The following CTBP2 variants were observed in gnomAD, a reference collection of about 807,000 sequenced individuals.
The protein encoded by CTBP2 is C-terminal-binding protein 2.
A neutral mutation model predicts 80.3 loss-of-function variants in CTBP2; 30 were observed. The ratio of observed to expected loss-of-function variants is 0.37; its 90% confidence interval spans 0.28 to 0.51. The LOEUF is 0.51. Ranked by LOEUF, CTBP2 falls within the 20% of genes least tolerant of loss-of-function variation. The pLI is 0.93. For missense variants in CTBP2, 1,212 were observed against 1,375.3 expected, an observed-to-expected ratio of 0.88 and a Z score of 1.88; for synonymous variants, 594 against 587.4, an observed-to-expected ratio of 1.01 and a Z score of -0.16.
At chr10:124,992,945 G>C in intron 7 of CTBP2, 133 bp from the exon 10 acceptor site, 2 of 862,176 alleles carry the variant, frequency 2.3e-6, no homozygotes. Flanking sequence ...CCAAGTGCTT[G>C]AGCTCTTCAA....
chr10:125,122,659 G>T (rs1466557842), intron 1 of CTBP2: 1 of 152,226 alleles, frequency 6.6e-6, no homozygotes, highest in Non-Finnish European at 1.5e-5. Flanking sequence ...AAACTCACAA[G>T]GTGAAGGGGG....
Position 124,986,418 on chromosome 10 carries a change from C to G in CTBP2, c.*3100G>C, listed in dbSNP as rs1304251213. On this transcript the variant is annotated 3_prime_UTR_variant, in exon 9 of 9. Coordinates refer to ENST00000309035, the MANE Select transcript of CTBP2 (RefSeq NM_022802.3). Reference sequence around the variant, plus strand: ...TAGTTGATAATGAAATGTGTACAACCTCAAATTTGCTGCCAGAATACTAAA... The same window carrying G: ...TAGTTGATAATGAAATGTGTACAACGTCAAATTTGCTGCCAGAATACTAAA... 1 of 152,326 alleles carries G rather than the reference C, an allele frequency of 6.6e-6. No homozygotes were observed. Among genetic ancestry groups the G allele is most frequent in the Non-Finnish European group, 1.5e-5 (1 of 68,006 alleles). The allele number at this position is 152,326 out of a possible 1,614,324, so 9.4% of individuals were successfully genotyped here. A position where few individuals can be genotyped will look rare whatever the true frequency, so the allele number is the denominator to read the frequency against.
intron 2 of CTBP2, among the ~76,000 whole-genome samples, chr10:125,071,800 C>A (rs1393280250): frequency 6.6e-6 from 1 of 152,142 alleles, no homozygotes; most frequent in Non-Finnish European, 1.5e-5. Context: ...CGTACCACCA[C>A]CCCCAAACAT....
intron 1 of CTBP2, 80 bp from the exon 4 acceptor site, chr10:125,003,572 C>T (rs1954831085): frequency 8.3e-7 from 1 of 1,200,410 alleles, no homozygotes; most frequent in Admixed American, 2.7e-5. Flanking sequence ...CCCCACTCAT[C>T]ACTCAGGGCA....
chr10:125,037,548 GC>G (rs1325111047), intron 3 of CTBP2, among the ~76,000 whole-genome samples: 2 of 152,204 alleles, frequency 1.3e-5, no homozygotes, highest in Non-Finnish European at 2.9e-5. Flanking sequence ...TGGGGCCTGG[GC>G]TCTTCAGTAA....
Position 125,027,380 on chromosome 10 carries a change from T to TA in CTBP2, c.379dup (p.Tyr127LeufsTer45), listed in dbSNP as rs769961626. The TA allele has an allele frequency of 4.3e-6, 7 of 1,613,592 alleles. No homozygotes were observed. The South Asian group carries it at 5.5e-5, about 13-fold the overall frequency. On this transcript the variant is annotated frameshift_variant, in exon 1 of 9. Coordinates refer to ENST00000309035, the MANE Select transcript of CTBP2 (RefSeq NM_022802.3). LOFTEE classifies it high-confidence loss of function. The stretch of plus-strand genomic sequence containing the variant: ...CGGCCGGCTGACTCCTGGGTCCCGA[T>TA]AGAGGGGAGGCTCTTTGGGTACCCT...
chr10:125,027,362 C>G lies in CTBP2; in HGVS notation c.398G>C (p.Ser133Thr). Reference sequence around the variant, plus strand: ...CACTCCGTAGCTGGGGACCGGCCGGCTGACTCCTGGGTCCCGATAGAGGGG... The same window carrying G: ...CACTCCGTAGCTGGGGACCGGCCGGGTGACTCCTGGGTCCCGATAGAGGGG... The change falls in exon 1 of 9, where the codon AGC (serine) becomes ACC (threonine). Residue 133 changes from serine to threonine, a missense_variant. This residue lies in a region of CTBP2 where 848 missense variants were observed against 782.3 expected (regional missense o/e 1.08). Coordinates refer to ENST00000309035, the MANE Select transcript of CTBP2 (RefSeq NM_022802.3). 1 of 1,613,526 alleles carries G rather than the reference C, an allele frequency of 6.2e-7. No homozygotes were observed. The highest frequency in any genetic ancestry group is 8.5e-7 in the Non-Finnish European group (1 of 1,179,986).
intron 1 of CTBP2, among the ~76,000 whole-genome samples, chr10:125,011,536 G>GT (rs1281096054): frequency 2.0e-5 from 3 of 152,308 alleles, no homozygotes; most frequent in South Asian, 2.1e-4. Flanking sequence ...AGCATGTGTG[G>GT]TATCTTCCAG....
intron 1 of CTBP2, among the ~76,000 whole-genome samples, chr10:125,146,874 A>T (rs1276756474): frequency 6.6e-6 from 1 of 152,142 alleles, no homozygotes; most frequent in East Asian, 1.9e-4. Context: ...GTGCTCAGTC[A>T]GTATCTGTGA....
chr10:125,013,215 C>T (rs1055324867), intron 1 of CTBP2, among the ~76,000 whole-genome samples: 1 of 152,122 alleles, frequency 6.6e-6, no homozygotes, highest in Non-Finnish European at 1.5e-5. Context: ...ACCATCTGCT[C>T]AGCCTCACCT....
intron 2 of CTBP2, among the ~76,000 whole-genome samples, chr10:125,049,275 G>T (rs753146446): frequency 6.6e-6 from 1 of 152,232 alleles, no homozygotes; most frequent in East Asian, 1.9e-4. Context: ...AGTCCCCACC[G>T]TCACAGGACA....
At chr10:125,086,298 G>A (rs1339205001) in intron 2 of CTBP2, among the ~76,000 whole-genome samples, 6 of 152,130 alleles carry the variant, frequency 3.9e-5, no homozygotes, top group African/African-American at 4.8e-5. Context: ...TTGGGAGGCC[G>A]AGGTAAGTGG....
At chr10:125,035,240 T>G (rs970124947) in intron 3 of CTBP2, among the ~76,000 whole-genome samples, 1 of 152,234 alleles carries the variant, frequency 6.6e-6, no homozygotes, top group Admixed American at 6.5e-5. Flanking sequence ...GTCTCCTTTT[T>G]CCTCATATCC....
rs76569539 is a variant in CTBP2, at chr10:125,149,960, G to A, written c.-206+10359C>T. 8.2e-3 allele frequency among the ~76,000 whole-genome samples: 1,249 copies of A among 152,340 alleles called. 15 individuals carry two copies. Among genetic ancestry groups the A allele is most frequent in the African/African-American group, 0.029 (1,192 of 41,584 alleles). On this transcript the variant is annotated intron_variant, in intron 1 of 10. Transcript: ENST00000337195. ...TTCCTTTCTAAGGCCCACACCACAC[G>A]GATGCAGGGGAGCGACCCAAAGGAA...
At chr10:125,061,906 A>C in intron 2 of CTBP2, among the ~76,000 whole-genome samples, 1 of 152,150 alleles carries the variant, frequency 6.6e-6, no homozygotes. Context: ...CAGTCTTAGG[A>C]ACCAGGTATG....
chr10:125,093,613 C>T (rs1204677308), intron 2 of CTBP2, among the ~76,000 whole-genome samples: 1 of 152,236 alleles, frequency 6.6e-6, no homozygotes, highest in Non-Finnish European at 1.5e-5. Context: ...CCCCTCCCTT[C>T]TTTCGACACA....
intron 4 of CTBP2, chr10:124,997,441 C>A (rs1953774221): frequency 6.1e-6 from 1 of 164,644 alleles, no homozygotes; most frequent in African/African-American, 2.4e-5. Flanking sequence ...CCTCCTGGGC[C>A]TCTCCTCACG....
At chr10:125,007,053 C>T (rs551764667) in intron 1 of CTBP2, among the ~76,000 whole-genome samples, 26 of 152,322 alleles carry the variant, frequency 1.7e-4, no homozygotes, top group South Asian at 1.2e-3. Context: ...CACTTGCGGA[C>T]GAGGGTCACA....
rs59512017 is a variant in CTBP2 at position 125,040,599 on chromosome 10, T to TACACACACACACACAC, written c.-101-1460_-101-1445dup. Among the ~76,000 whole-genome samples the TACACACACACACACAC allele has an allele frequency of 9.4e-3, 1,373 of 146,058 alleles. 26 individuals are homozygous for TACACACACACACACAC. Among genetic ancestry groups the TACACACACACACACAC allele is most frequent in the African/African-American group, 0.034 (1,308 of 39,008 alleles). On this transcript the variant is annotated intron_variant, in intron 2 of 10. Transcript: ENST00000337195. The stretch of plus-strand genomic sequence containing the variant: ...TTTTAAGACCACCACCACAACCACA[T>TACACACACACACACAC]ACACACACACACACACACACACACA...
Sources: gnomAD v4.1 joint callset for allele counts (sites outside exome capture counted in the v4.1 genomes callset) on GRCh38, gnomAD v4.1.1 for gene constraint, gnomAD v4.1.1 regional missense constraint, MANE v1.5 for transcripts, NCBI Gene and HGNC (gene_info 2026-07-23, HGNC 2026-07-21) for gene names.